Variants in ST8SIA4 observed in about 807,000 individuals in gnomAD.
ST8SIA4 encodes the protein ST8 alpha-N-acetyl-neuraminide alpha-2,8-sialyltransferase 4.
A neutral mutation model predicts 33.9 loss-of-function variants in ST8SIA4; 15 were observed. That is an observed-to-expected ratio of 0.44 (90% CI 0.30 to 0.68). The LOEUF (loss-of-function observed/expected upper bound fraction) is 0.68. ST8SIA4 is among the 30% of genes least tolerant of loss of function. ST8SIA4 has a pLI of 0.10. For synonymous variants in ST8SIA4, 171 were observed against 151.2 expected, an observed-to-expected ratio of 1.13 and a Z score of -0.96; for missense variants, 321 against 428.0, an observed-to-expected ratio of 0.75 and a Z score of 2.21.
chr5:100,822,709 A>T (rs1239353258), intron 4 of ST8SIA4, among the ~76,000 whole-genome samples: 1 of 152,214 alleles, frequency 6.6e-6, no homozygotes, highest in Non-Finnish European at 1.5e-5. Flanking sequence ...CATCTTGAAT[A>T]GGCGCTGGGT....
chr5:100,833,164 G>A (rs1460579678), intron 4 of ST8SIA4, among the ~76,000 whole-genome samples: 2 of 152,034 alleles, frequency 1.3e-5, no homozygotes, highest in Admixed American at 6.6e-5. Flanking sequence ...GAAAAATTGT[G>A]AACTCTTTCA....
intron 2 of ST8SIA4, among the ~76,000 whole-genome samples, chr5:100,886,848 C>T (rs982229353): frequency 3.3e-5 from 5 of 151,996 alleles, no homozygotes; most frequent in East Asian, 1.9e-4. Flanking sequence ...ATAGTATAAA[C>T]ATCTATTTGT....
chr5:100,835,013 G>A (rs1382084270), intron 4 of ST8SIA4, among the ~76,000 whole-genome samples: 1 of 151,966 alleles, frequency 6.6e-6, no homozygotes, highest in Non-Finnish European at 1.5e-5. Flanking sequence ...TAAAACATGG[G>A]TGAAATGAAA....
intron 4 of ST8SIA4, among the ~76,000 whole-genome samples, chr5:100,819,786 T>C (rs993750119): frequency 6.6e-6 from 1 of 152,204 alleles, no homozygotes; most frequent in Non-Finnish European, 1.5e-5. Context: ...GGAAGCTGTC[T>C]TTGTAAAGAT....
At chr5:100,836,493 C>T (rs1339641729) in intron 4 of ST8SIA4, among the ~76,000 whole-genome samples, 1 of 151,786 alleles carries the variant, frequency 6.6e-6, no homozygotes, top group East Asian at 1.9e-4. Context: ...GATAAAAATA[C>T]ATAGAAAAGA....
intron 3 of ST8SIA4, among the ~76,000 whole-genome samples, chr5:100,870,857 TA>T (rs1480124053): frequency 6.6e-6 from 1 of 152,110 alleles, no homozygotes; most frequent in Non-Finnish European, 1.5e-5. Context: ...AATCACAATT[TA>T]ATTAGTTTTA....
chr5:100,836,156 C>G (rs1751358222), intron 4 of ST8SIA4, among the ~76,000 whole-genome samples: 1 of 151,964 alleles, frequency 6.6e-6, no homozygotes, highest in Non-Finnish European at 1.5e-5. Context: ...AGAGATAAGC[C>G]TTATTTAGCA....
In ST8SIA4 at chr5:100,888,143, T is replaced by C. The variant is rs574770739; in HGVS notation, c.246-1543A>G. Among the ~76,000 whole-genome samples the C allele has an allele frequency of 1.8e-4, 27 of 151,414 alleles. 1 individual carries two copies. The highest frequency in any genetic ancestry group is 2.6e-4 in the Admixed American group (4 of 15,164). ...AGCAGAAGAAATCACTGGATGAGGTTATTTACACCTGGAACTAACAAGAAG... is the reference window on the plus strand; with the variant it reads ...AGCAGAAGAAATCACTGGATGAGGTCATTTACACCTGGAACTAACAAGAAG... On this transcript the variant is annotated intron_variant, in intron 2 of 4. Coordinates refer to ENST00000231461, the MANE Select transcript of ST8SIA4 (RefSeq NM_005668.6).
intron 4 of ST8SIA4, among the ~76,000 whole-genome samples, chr5:100,842,221 A>G (rs1361695108): frequency 6.6e-6 from 1 of 151,886 alleles, no homozygotes; most frequent in Non-Finnish European, 1.5e-5. Context: ...ATTTCTCATA[A>G]AATAATTAGC....
chr5:100,811,715 T>C lies in ST8SIA4; in HGVS notation c.*132A>G, dbSNP rs1750820035. The C allele has an allele frequency of 3.3e-6, 3 of 905,390 alleles. No homozygotes were observed. In the East Asian group the frequency reaches 7.9e-5, roughly 24 times the overall value. 56.1% of individuals were successfully genotyped at this position (905,390 alleles called of 1,614,324 possible). On this transcript the variant is annotated 3_prime_UTR_variant, in exon 5 of 5. Transcript: ENST00000231461. ...ATTTCATCAGCTGGTAGTCGATTTC[T>C]CATGAACGTCCTTTATTCACCTTTC...
chr5:100,881,859 G>A (rs868092590), intron 3 of ST8SIA4, among the ~76,000 whole-genome samples: 9 of 152,120 alleles, frequency 5.9e-5, no homozygotes, highest in Middle Eastern at 3.2e-3. Flanking sequence ...TCTTGCCACC[G>A]CCATGTAAGA....
At chr5:100,845,991 T>C (rs894826574) in intron 4 of ST8SIA4, among the ~76,000 whole-genome samples, 7 of 152,038 alleles carry the variant, frequency 4.6e-5, no homozygotes, top group African/African-American at 1.4e-4. Flanking sequence ...CTTGCTCTTT[T>C]ATTTTTACCC....
rs1315451556 is a variant in ST8SIA4, at chr5:100,867,562, AT to A, written c.504-11167del. Among the ~76,000 whole-genome samples the A allele has an allele frequency of 5.3e-5, 8 of 152,186 alleles. No individual in the cohort carries two copies. In the South Asian group the frequency reaches 1.7e-3, roughly 32 times the overall value. On this transcript the variant is annotated intron_variant, in intron 3 of 4. Transcript: ENST00000231461. ...TTGCAATTTATGCTGTTAATAAGGT[AT>A]GTACAATGGGTACATTAGAGGGGTT... is the stretch of plus-strand genomic sequence containing the variant.
intron 4 of ST8SIA4, among the ~76,000 whole-genome samples, chr5:100,819,185 G>A (rs1292861595): frequency 6.6e-6 from 1 of 152,124 alleles, no homozygotes; most frequent in Non-Finnish European, 1.5e-5. Context: ...AAGTAAAATA[G>A]CTTATCCAGT....
chr5:100,893,492 T>C (rs1301934543), intron 2 of ST8SIA4, among the ~76,000 whole-genome samples: 1 of 152,162 alleles, frequency 6.6e-6, no homozygotes, highest in Admixed American at 6.5e-5. Flanking sequence ...TCAGCTATTA[T>C]AATTGAAAAT....
At chr5:100,818,454 C>A (rs1561383632) in intron 4 of ST8SIA4, among the ~76,000 whole-genome samples, 1 of 151,998 alleles carries the variant, frequency 6.6e-6, no homozygotes, top group Non-Finnish European at 1.5e-5. Context: ...AGTCAGAAGA[C>A]AATTTTGTAC....
At chr5:100,860,765 G>A (rs529907447) in intron 3 of ST8SIA4, among the ~76,000 whole-genome samples, 1 of 152,250 alleles carries the variant, frequency 6.6e-6, no homozygotes, top group South Asian at 2.1e-4. Context: ...AGTTCATTCA[G>A]AAATGTGATA....
intron 2 of ST8SIA4, among the ~76,000 whole-genome samples, chr5:100,892,585 C>T (rs1158717802): frequency 6.6e-6 from 1 of 151,818 alleles, no homozygotes; most frequent in Non-Finnish European, 1.5e-5. Flanking sequence ...AAAATCATAT[C>T]CACAAATGTA....
chr5:100,895,604 T>C (rs1208578698), intron 2 of ST8SIA4, 50 bp downstream of exon 2: 2 of 1,575,894 alleles, frequency 1.3e-6, no homozygotes, highest in Non-Finnish European at 1.7e-6. Flanking sequence ...AAGCCCAACG[T>C]ATTTGAGAAC....
Sources: allele counts gnomAD v4.1 joint callset (sites outside exome capture counted in the v4.1 genomes callset), GRCh38; gene constraint gnomAD v4.1.1; transcripts MANE v1.5; gene names NCBI Gene and HGNC (gene_info 2026-07-23, HGNC 2026-07-21).